ZNF385D: variants seen among roughly 807,000 people sequenced by gnomAD.
The protein encoded by ZNF385D is zinc finger protein 659.
In ZNF385D, 15 loss-of-function variants were observed where a neutral mutation model predicts 35.8. The observed-to-expected ratio is 0.42, with a 90% CI of 0.28 to 0.64. The LOEUF (loss-of-function observed/expected upper bound fraction) is 0.64. ZNF385D is among the 30% of genes least tolerant of loss of function. The pLI is 0.23. For synonymous variants in ZNF385D, 212 were observed against 186.8 expected, an observed-to-expected ratio of 1.13 and a Z score of -1.10; for missense variants, 474 against 494.6, an observed-to-expected ratio of 0.96 and a Z score of 0.39.
At chr3:21,901,847 T>C (rs761212298) in intron 3 of ZNF385D, among the ~76,000 whole-genome samples, 4 of 152,150 alleles carry the variant, frequency 2.6e-5, no homozygotes, top group Non-Finnish European at 5.9e-5. Flanking sequence ...TAGAAATACT[T>C]GGATAACGAA....
chr3:22,019,835 A>T (rs1308044708), intron 3 of ZNF385D, among the ~76,000 whole-genome samples: 1 of 151,818 alleles, frequency 6.6e-6, no homozygotes. Context: ...TGAGAGAGTG[A>T]TAGAGCATTA....
chr3:22,184,689 T>A lies in ZNF385D; in HGVS notation c.107-15654A>T, dbSNP rs565634047. Reference sequence around the variant, plus strand: ...TACAAACACAAAAATTAGCCAGGCGTGGTGGCAGGTACCTATAATCCCAGC... The same window carrying A: ...TACAAACACAAAAATTAGCCAGGCGAGGTGGCAGGTACCTATAATCCCAGC... On this transcript the variant is annotated intron_variant, in intron 2 of 5. Transcript: ENST00000494108. 6.6e-5 allele frequency among the ~76,000 whole-genome samples: 10 copies of A among 152,154 alleles called. No homozygotes were observed. The East Asian group carries it at 1.7e-3, about 26-fold the overall frequency.
rs1559486126 is a variant in ZNF385D, at chr3:21,646,557, A to T, written c.165+18329T>A. ...TTCAGCAAATACTAACTGAGTGTCT[A>T]TTGTGTATTGACCACCTAACAAATA... On this transcript the variant is annotated intron_variant, in intron 2 of 7. Coordinates refer to ENST00000281523, the MANE Select transcript of ZNF385D (RefSeq NM_024697.3). The surrounding 1 kb of genome is among the most constrained non-coding windows in gnomAD (Gnocchi z 4.3). Among the ~76,000 whole-genome samples the T allele has an allele frequency of 6.6e-6, 1 of 152,200 alleles. No homozygotes were observed. Among genetic ancestry groups the T allele is most frequent in the Non-Finnish European group, 1.5e-5 (1 of 68,032 alleles).
intron 1 of ZNF385D, among the ~76,000 whole-genome samples, chr3:21,747,569 T>TC (rs1210653595): frequency 2.0e-5 from 3 of 152,160 alleles, no homozygotes; most frequent in Non-Finnish European, 4.4e-5. Flanking sequence ...GACTCACCTA[T>TC]CCAGCAGTGG....
chr3:22,314,150 G>C (rs1161453140), intron 2 of ZNF385D, among the ~76,000 whole-genome samples: 1 of 152,014 alleles, frequency 6.6e-6, no homozygotes, highest in African/African-American at 2.4e-5. Context: ...GGTTTTTGGA[G>C]AACAGGTGGC....
At chr3:21,508,068 A>G (rs1366300641) in intron 4 of ZNF385D, among the ~76,000 whole-genome samples, 1 of 151,962 alleles carries the variant, frequency 6.6e-6, no homozygotes, top group Non-Finnish European at 1.5e-5. Context: ...TAGGAAAGCA[A>G]TGTCTTTCCT....
At chr3:22,245,161 T>G (rs989861558) in intron 2 of ZNF385D, among the ~76,000 whole-genome samples, 1 of 152,090 alleles carries the variant, frequency 6.6e-6, no homozygotes, top group Admixed American at 6.6e-5. Context: ...GAACAATAAA[T>G]AGATTATTAA....
At chr3:21,808,332 C>T (rs139793706) in intron 3 of ZNF385D, among the ~76,000 whole-genome samples, 51 of 152,336 alleles carry the variant, frequency 3.3e-4, no homozygotes, top group African/African-American at 1.2e-3. Flanking sequence ...ATAACACCTT[C>T]TTGAATTTAC....
chr3:22,358,383 C>G (rs1696251358), intron 2 of ZNF385D, among the ~76,000 whole-genome samples: 3 of 151,844 alleles, frequency 2.0e-5, no homozygotes. Context: ...TCAAGGAAGA[C>G]AGCTTCATTT....
chr3:22,330,347 T>A (rs976972530), intron 2 of ZNF385D, among the ~76,000 whole-genome samples: 1 of 152,188 alleles, frequency 6.6e-6, no homozygotes, highest in Non-Finnish European at 1.5e-5. Flanking sequence ...CTGAGGTTTG[T>A]CTTTTTTGTT....
intron 2 of ZNF385D, among the ~76,000 whole-genome samples, chr3:22,210,121 A>T (rs914708643): frequency 1.3e-4 from 20 of 151,842 alleles, no homozygotes; most frequent in Admixed American, 1.2e-3. Context: ...TCCCAGGAAA[A>T]GATTGTGTGG....
chr3:22,140,131 C>T (rs942854252), intron 3 of ZNF385D, among the ~76,000 whole-genome samples: 2 of 152,166 alleles, frequency 1.3e-5, no homozygotes, highest in African/African-American at 4.8e-5. Context: ...TATTTCCTCA[C>T]AGAACTCTGT....
At chr3:22,120,848 A>G (rs1386529500) in intron 3 of ZNF385D, among the ~76,000 whole-genome samples, 1 of 152,182 alleles carries the variant, frequency 6.6e-6, no homozygotes, top group Admixed American at 6.6e-5. Flanking sequence ...GCCCTTGAAA[A>G]GTATTTTTAA....
At chr3:21,608,174 T>A (rs2125782452) in intron 2 of ZNF385D, among the ~76,000 whole-genome samples, 1 of 152,064 alleles carries the variant, frequency 6.6e-6, no homozygotes, top group South Asian at 2.1e-4. Flanking sequence ...CACACTTGGC[T>A]AATTTTTTGT....
intron 3 of ZNF385D, among the ~76,000 whole-genome samples, chr3:21,933,300 G>T (rs1701104107): frequency 6.6e-6 from 1 of 152,040 alleles, no homozygotes; most frequent in African/African-American, 2.4e-5. Flanking sequence ...AGCTTCTTTT[G>T]TTTCTCTGTC....
At chr3:21,616,303 TG>T (rs2064844643) in intron 2 of ZNF385D, among the ~76,000 whole-genome samples, 1 of 152,264 alleles carries the variant, frequency 6.6e-6, no homozygotes, top group African/African-American at 2.4e-5. Flanking sequence ...CAAAGGAATC[TG>T]GGTAATAGAA....
intron 3 of ZNF385D, among the ~76,000 whole-genome samples, chr3:21,768,666 TG>T (rs2070940502): frequency 6.6e-6 from 1 of 151,942 alleles, no homozygotes; most frequent in African/African-American, 2.4e-5. Context: ...TTCCAAATAT[TG>T]GGAATATGTG....
chr3:21,769,048 C>G (rs1559604448), intron 3 of ZNF385D, among the ~76,000 whole-genome samples: 1 of 151,940 alleles, frequency 6.6e-6, no homozygotes, highest in Non-Finnish European at 1.5e-5. Flanking sequence ...CCATCAATAC[C>G]TAATTTATTG....
At chr3:22,018,587 T>A (rs1697026242) in intron 3 of ZNF385D, among the ~76,000 whole-genome samples, 1 of 152,068 alleles carries the variant, frequency 6.6e-6, no homozygotes, top group African/African-American at 2.4e-5. Flanking sequence ...GCTTCTTCTC[T>A]ATGACTTTAA....
Sources: gnomAD v4.1 joint callset for allele counts (sites outside exome capture counted in the v4.1 genomes callset) on GRCh38, gnomAD v4.1.1 for gene constraint, Gnocchi (gnomAD v3.1) non-coding constraint, MANE v1.5 for transcripts, NCBI Gene and HGNC (gene_info 2026-07-23, HGNC 2026-07-21) for gene names.